DIPK2B: variants seen among roughly 807,000 people sequenced by gnomAD.
DIPK2B encodes the protein UPF0672 protein CXorf36.
In DIPK2B, 15 loss-of-function variants were observed where a neutral mutation model predicts 22.2. The ratio of observed to expected loss-of-function variants is 0.68; its 90% CI spans 0.45 to 1.04. The LOEUF (loss-of-function observed/expected upper bound fraction) is 1.04, where lower values mean the gene tolerates loss of function less well. Among genes scored for constraint, DIPK2B ranks in the 50% least tolerant of loss-of-function variants. The probability of loss-of-function intolerance (pLI) is 0.00; values close to 1 mark genes in which losing one functional copy is unlikely to be tolerated. For synonymous variants in DIPK2B, 163 were observed against 153.2 expected, an observed-to-expected ratio of 1.06 and a Z score of -0.47; for missense variants, 345 against 348.3, an observed-to-expected ratio of 0.99 and a Z score of 0.08.
intron 2 of DIPK2B, among the ~76,000 whole-genome samples, chrX:45,188,083 G>A (rs2148348796): frequency 9.0e-6 from 1 of 111,701 alleles, no homozygotes; most frequent in East Asian, 2.8e-4. Flanking sequence ...TCCCAACCAC[G>A]CATCCTATAA....
At chrX:45,169,517 A>G (rs1225744392) in intron 2 of DIPK2B, among the ~76,000 whole-genome samples, 1 of 111,270 alleles carries the variant, frequency 9.0e-6, no homozygotes, top group Non-Finnish European at 1.9e-5. Flanking sequence ...CCTCTCCTCC[A>G]GCTGGCCCAG....
chrX:45,172,517 G>A (rs759791199), intron 2 of DIPK2B, among the ~76,000 whole-genome samples: 1 of 111,474 alleles, frequency 9.0e-6, no homozygotes, highest in South Asian at 3.8e-4. Flanking sequence ...GGAGGTGGTA[G>A]CTAACTTTCC....
chrX:45,160,061 A>G (rs1010607133), intron 2 of DIPK2B, among the ~76,000 whole-genome samples: 1 of 110,091 alleles, frequency 9.1e-6, no homozygotes, highest in African/African-American at 3.3e-5. Context: ...TTCTTGTGAT[A>G]AGGAGTGAGT....
intron 2 of DIPK2B, chrX:45,163,448 T>C (rs2047032182): frequency 2.4e-5 from 18 of 752,648 alleles, no homozygotes; most frequent in Non-Finnish European, 2.8e-5. Context: ...AATCTAGATT[T>C]GCTTTCATCT....
chrX:45,182,520 C>T (rs1047139535), intron 2 of DIPK2B, among the ~76,000 whole-genome samples: 4 of 112,766 alleles, frequency 3.5e-5, no homozygotes, highest in African/African-American at 1.3e-4. Context: ...TATGTACATG[C>T]TATGACTCAA....
intron 2 of DIPK2B, among the ~76,000 whole-genome samples, chrX:45,165,809 G>T (rs769928189): frequency 8.9e-6 from 1 of 112,012 alleles, no homozygotes; most frequent in Non-Finnish European, 1.9e-5. Context: ...GCACAAACTC[G>T]GTTTACAAGC....
chrX:45,155,437 T>A (rs1228001876), intron 3 of DIPK2B, among the ~76,000 whole-genome samples: 13 of 104,815 alleles, frequency 1.2e-4, no homozygotes, highest in African/African-American at 3.4e-4. Context: ...AAAAAATATA[T>A]ATATATATAT....
intron 3 of DIPK2B, 58 bp downstream of exon 3, chrX:45,157,657 G>A (rs1377023102): frequency 9.1e-7 from 1 of 1,093,834 alleles, no homozygotes; most frequent in African/African-American, 1.8e-5. Context: ...ATCCAGGGAG[G>A]CTTCTGGGAG....
intron 2 of DIPK2B, among the ~76,000 whole-genome samples, chrX:45,190,468 G>A (rs1270269271): frequency 1.8e-5 from 2 of 111,454 alleles, no homozygotes; most frequent in African/African-American, 6.5e-5. Flanking sequence ...TCAGTACAGA[G>A]TGTCAGCATA....
At position 45,153,895 on chromosome X, in the gene DIPK2B, G is replaced by A. The variant is rs760289781; in HGVS notation, c.961+15C>T. ...TTCCCTCTGACAGCTGCTCAGCCAG[G>A]CCCATGCTGAGTACCTTCCTGCTTG... On this transcript the variant is annotated intron_variant, in intron 4 of 4. Transcript: ENST00000398000. 2 of 1,201,487 alleles carry A rather than the reference G, an allele frequency of 1.7e-6. No homozygotes were observed. Among genetic ancestry groups the A allele is most frequent in the Non-Finnish European group, 1.1e-6 (1 of 888,658 alleles).
At position 45,162,956 on chromosome X, in the gene DIPK2B, C is replaced by T. The variant is rs146169230; in HGVS notation, c.499-5068G>A. 2.5e-4 allele frequency: 187 copies of T among 751,844 alleles called. 1 individual carries two copies. The East Asian group carries it at 0.022, about 88-fold the overall frequency. The allele number at this position is 751,844 out of a possible 1,213,427, so 62.0% of individuals were successfully genotyped here. On this transcript the variant is annotated intron_variant, in intron 2 of 4. Coordinates refer to ENST00000398000, the MANE Select transcript of DIPK2B (RefSeq NM_176819.4). Reference sequence around the variant, plus strand: ...CAATCCTTAACAGTCTGAAGACGGTCGATAAAATTTAGCAGGCATGTTGCT... The same window carrying T: ...CAATCCTTAACAGTCTGAAGACGGTTGATAAAATTTAGCAGGCATGTTGCT...
chrX:45,193,764 T>G (rs981884081), intron 1 of DIPK2B, among the ~76,000 whole-genome samples: 37 of 112,322 alleles, frequency 3.3e-4, no homozygotes, highest in African/African-American at 1.2e-3. Context: ...AACATTGTAA[T>G]GAGTCCATTT....
intron 2 of DIPK2B, among the ~76,000 whole-genome samples, chrX:45,187,876 TA>T (rs932701420): frequency 3.6e-5 from 4 of 110,708 alleles, no homozygotes; most frequent in African/African-American, 1.3e-4. Context: ...TTTCTTCCCC[TA>T]AACACACAGC....
At position 45,154,026 on chromosome X, in the gene DIPK2B, T is replaced by A; in HGVS notation, c.845A>T (p.Asp282Val). Residue 282 changes from aspartate to valine, a missense_variant, in exon 4 of 5, where the codon GAT (aspartate) becomes GTT (valine). Asp to Val is a radical substitution (Grantham distance 152). Transcript: ENST00000398000. ...LGVLESLRSN[D>V]LNYFFYFTHI... ...GGTGAAGTAGAAGAAATAGTTCAAA[T>A]CGTTGCTCCTCAAAGACTCCAGGAC... 8.3e-7 allele frequency: 1 copy of A among 1,210,873 alleles called. No individual in the cohort carries two copies.
intron 3 of DIPK2B, among the ~76,000 whole-genome samples, chrX:45,156,048 C>A (rs905910892): frequency 9.7e-6 from 1 of 102,713 alleles, no homozygotes; most frequent in Non-Finnish European, 2.0e-5. Flanking sequence ...CTCACTGCAA[C>A]CTCCACCTCC....
Position 45,151,642 on chromosome X carries a change from C to T in DIPK2B, c.*10G>A. 8.3e-7 allele frequency: 1 copy of T among 1,202,006 alleles called. No individual in the cohort carries two copies. The highest frequency in any genetic ancestry group is 1.1e-6 in the Non-Finnish European group (1 of 889,043). ...CGTGTTGTCCCCAAGGCCAGCTAGACACCAGCCCTTCAGAACTTATCGTTA... is the reference window on the plus strand; with the variant it reads ...CGTGTTGTCCCCAAGGCCAGCTAGATACCAGCCCTTCAGAACTTATCGTTA... On this transcript the variant is annotated 3_prime_UTR_variant, in exon 5 of 5. Coordinates refer to ENST00000398000, the MANE Select transcript of DIPK2B (RefSeq NM_176819.4).
At chrX:45,199,418 A>C (rs1485020852) in intron 1 of DIPK2B, among the ~76,000 whole-genome samples, 1 of 111,189 alleles carries the variant, frequency 9.0e-6, no homozygotes, top group Non-Finnish European at 1.9e-5. Context: ...ACTGGTCCAC[A>C]AGATTAAGGC....
chrX:45,199,265 G>A (rs2047255419), intron 1 of DIPK2B, among the ~76,000 whole-genome samples: 1 of 112,230 alleles, frequency 8.9e-6, no homozygotes, highest in Admixed American at 9.4e-5. Context: ...GATTAATACA[G>A]ATTGCAAATA....
At chrX:45,182,346 G>A (rs1454366562) in intron 2 of DIPK2B, among the ~76,000 whole-genome samples, 1 of 111,652 alleles carries the variant, frequency 9.0e-6, no homozygotes, top group Non-Finnish European at 1.9e-5. Flanking sequence ...ACCATACAAT[G>A]ATATACTGCC....
Sources: allele counts gnomAD v4.1 joint callset (sites outside exome capture counted in the v4.1 genomes callset), GRCh38; gene constraint gnomAD v4.1.1; transcripts MANE v1.5; gene names NCBI Gene and HGNC (gene_info 2026-07-23, HGNC 2026-07-21).